The following ZNF385D variants were observed in gnomAD, a reference collection of about 807,000 sequenced individuals.
ZNF385D encodes zinc finger protein 385D.
In ZNF385D, 15 loss-of-function variants were observed where a neutral mutation model predicts 35.8. The observed-to-expected ratio is 0.42, with a 90% CI of 0.28 to 0.64. The LOEUF is 0.64. Among genes scored for constraint, ZNF385D ranks in the 30% least tolerant of loss-of-function variants. The pLI is 0.23. For synonymous variants in ZNF385D, 212 were observed against 186.8 expected, an observed-to-expected ratio of 1.13 and a Z score of -1.10; for missense variants, 474 against 494.6, an observed-to-expected ratio of 0.96 and a Z score of 0.39.
chr3:22,306,903 G>A (rs149908113), intron 2 of ZNF385D, among the ~76,000 whole-genome samples: 18 of 152,236 alleles, frequency 1.2e-4, no homozygotes, highest in African/African-American at 4.1e-4. Context: ...TTTGAAGAGC[G>A]AAAAACATAA....
intron 2 of ZNF385D, among the ~76,000 whole-genome samples, chr3:22,254,593 G>A (rs1487897341): frequency 2.0e-5 from 3 of 151,628 alleles, no homozygotes; most frequent in African/African-American, 7.3e-5. Flanking sequence ...AAGGCCCTCA[G>A]TGGATACCTG....
At chr3:21,941,339 A>C (rs992631702) in intron 3 of ZNF385D, among the ~76,000 whole-genome samples, 1 of 152,162 alleles carries the variant, frequency 6.6e-6, no homozygotes, top group Admixed American at 6.5e-5. Flanking sequence ...GAAATAGAGT[A>C]GTAGTATATG....
chr3:21,935,953 G>T (rs1701235829), intron 3 of ZNF385D, among the ~76,000 whole-genome samples: 1 of 152,116 alleles, frequency 6.6e-6, no homozygotes, highest in African/African-American at 2.4e-5. Flanking sequence ...AGTTTGAGGT[G>T]TCCTAAGTGC....
chr3:22,081,308 T>A (rs1249396597), intron 3 of ZNF385D, among the ~76,000 whole-genome samples: 1 of 152,196 alleles, frequency 6.6e-6, no homozygotes, highest in Non-Finnish European at 1.5e-5. Flanking sequence ...GAACTGGGGA[T>A]GCGAGCTTAA....
Position 21,510,144 on chromosome 3 carries a change from T to A in ZNF385D, c.439+717A>T, listed in dbSNP as rs187099842. On this transcript the variant is annotated intron_variant, in intron 4 of 7. Transcript: ENST00000281523. ...ATCCATGAATCACAGAGGAATATTT[T>A]CTCTGTAGATTTCGAAAACCAGTGG... Among the ~76,000 whole-genome samples the A allele has an allele frequency of 2.9e-3, 438 of 152,292 alleles. 3 individuals are homozygous for A. The highest frequency in any genetic ancestry group is 5.0e-3 in the Non-Finnish European group (338 of 68,030).
intron 2 of ZNF385D, among the ~76,000 whole-genome samples, chr3:22,273,962 A>G (rs1302135834): frequency 6.6e-6 from 1 of 152,056 alleles, no homozygotes; most frequent in African/African-American, 2.4e-5. Context: ...ATACCATTAA[A>G]TGCTGCCATT....
chr3:22,137,398 T>C (rs1704210552), intron 3 of ZNF385D, among the ~76,000 whole-genome samples: 1 of 152,164 alleles, frequency 6.6e-6, no homozygotes, highest in Non-Finnish European at 1.5e-5. Flanking sequence ...ATATCCTTGA[T>C]GAACATTGAT....
chr3:22,306,303 A>AT (rs1703214169), intron 2 of ZNF385D, among the ~76,000 whole-genome samples: 1 of 152,028 alleles, frequency 6.6e-6, no homozygotes, highest in South Asian at 2.1e-4. Flanking sequence ...TGGATATAAA[A>AT]TAGGGTAAAC....
chr3:21,945,300 GTT>G (rs1701728371), intron 3 of ZNF385D, among the ~76,000 whole-genome samples: 1 of 152,032 alleles, frequency 6.6e-6, no homozygotes. Flanking sequence ...ACTTAATAGA[GTT>G]TGTGAATATT....
chr3:22,259,841 A>G (rs1278731782), intron 2 of ZNF385D, among the ~76,000 whole-genome samples: 3 of 151,800 alleles, frequency 2.0e-5, no homozygotes, highest in Non-Finnish European at 4.4e-5. Flanking sequence ...TGAGGAAAAA[A>G]AAAAACTAAT....
intron 3 of ZNF385D, among the ~76,000 whole-genome samples, chr3:21,974,363 A>G (rs1703461198): frequency 6.6e-6 from 1 of 152,048 alleles, no homozygotes; most frequent in South Asian, 2.1e-4. Context: ...GGAAAACTAG[A>G]TATGCATATA....
At chr3:21,443,438 T>C in intron 4 of ZNF385D, 1 of 585,722 alleles carries the variant, frequency 1.7e-6, no homozygotes, top group Non-Finnish European at 2.2e-6. Flanking sequence ...ATAGAACCCA[T>C]CCATATACAG....
chr3:22,037,915 A>G (rs1698438512), intron 3 of ZNF385D, among the ~76,000 whole-genome samples: 1 of 152,172 alleles, frequency 6.6e-6, no homozygotes, highest in Non-Finnish European at 1.5e-5. Context: ...GCCCTCACAA[A>G]TAATGCCACA....
chr3:21,935,180 C>G (rs1701199702), intron 3 of ZNF385D, among the ~76,000 whole-genome samples: 1 of 152,044 alleles, frequency 6.6e-6, no homozygotes, highest in African/African-American at 2.4e-5. Context: ...AGTATTTGTT[C>G]TCTGATTATC....
At chr3:21,964,014 A>G (rs1192592955) in intron 3 of ZNF385D, among the ~76,000 whole-genome samples, 1 of 152,202 alleles carries the variant, frequency 6.6e-6, no homozygotes, top group Non-Finnish European at 1.5e-5. Context: ...ATTACATTAA[A>G]TATTCATTTA....
chr3:22,006,220 G>C (rs1317923177), intron 3 of ZNF385D, among the ~76,000 whole-genome samples: 1 of 152,074 alleles, frequency 6.6e-6, no homozygotes, highest in East Asian at 1.9e-4. Flanking sequence ...GAAGAGGAGG[G>C]AAAGGAACTT....
At chr3:22,174,623 C>G (rs1474409889) in intron 2 of ZNF385D, among the ~76,000 whole-genome samples, 1 of 152,038 alleles carries the variant, frequency 6.6e-6, no homozygotes, top group Non-Finnish European at 1.5e-5. Flanking sequence ...GAGACCAAGG[C>G]TAAACACTGA....
chr3:22,152,661 T>A (rs1705315854), intron 3 of ZNF385D, among the ~76,000 whole-genome samples: 1 of 152,186 alleles, frequency 6.6e-6, no homozygotes, highest in South Asian at 2.1e-4. Flanking sequence ...ATCTTCCTCA[T>A]AAAATGACTC....
At chr3:21,701,793 C>T (rs1052764117) in intron 1 of ZNF385D, among the ~76,000 whole-genome samples, 6 of 152,156 alleles carry the variant, frequency 3.9e-5, no homozygotes, top group Admixed American at 2.0e-4. Flanking sequence ...CCATGCAAGT[C>T]TGAAATCCAG....
Sources: gnomAD v4.1 joint callset for allele counts (sites outside exome capture counted in the v4.1 genomes callset) on GRCh38, gnomAD v4.1.1 for gene constraint, MANE v1.5 for transcripts, NCBI Gene and HGNC (gene_info 2026-07-23, HGNC 2026-07-21) for gene names.